The following MAP1LC3B variants were observed in gnomAD, a reference collection of about 807,000 sequenced individuals.
The protein encoded by MAP1LC3B is microtubule associated protein 1 light chain 3 beta.
Under a neutral mutation model 16.7 loss-of-function variants are expected in MAP1LC3B, and 12 were observed. That is an observed-to-expected ratio of 0.72 (90% CI 0.46 to 1.16). The LOEUF (loss-of-function observed/expected upper bound fraction) is 1.16. MAP1LC3B is among the 50% of genes most tolerant of loss of function. The pLI is 0.00. For synonymous variants in MAP1LC3B, 63 were observed against 56.5 expected, an observed-to-expected ratio of 1.11 and a Z score of -0.51; for missense variants, 155 against 159.5, an observed-to-expected ratio of 0.97 and a Z score of 0.15.
intron 3 of MAP1LC3B, 112 bp from the exon 4 acceptor site, chr16:87,402,811 A>G (rs1908041886): frequency 1.6e-6 from 2 of 1,261,580 alleles, no homozygotes; most frequent in Non-Finnish European, 2.2e-6. Flanking sequence ...TGGATTCAAG[A>G]GCATTTAGAA....
rs1463333741 is a variant in MAP1LC3B at position 87,402,963 on chromosome 16, TTGG to T, written c.247_249del (p.Val83del). 6.2e-7 allele frequency: 1 copy of T among 1,613,920 alleles called. No individual in the cohort carries two copies. Among genetic ancestry groups the T allele is most frequent in the Non-Finnish European group, 8.5e-7 (1 of 1,179,898 alleles). On this transcript the variant is annotated inframe_deletion, in exon 4 of 4. Coordinates refer to ENST00000268607, the MANE Select transcript of MAP1LC3B (RefSeq NM_022818.5). Reference sequence around the variant, plus strand: ...CAATGCTAATCAGGCCTTCTTCCTGTTGGTGAACGGACACAGCATGGTCAGCGT... The same window carrying T: ...CAATGCTAATCAGGCCTTCTTCCTGTTGAACGGACACAGCATGGTCAGCGT...
chr16:87,395,677 T>C (rs527462944), intron 1 of MAP1LC3B, among the ~76,000 whole-genome samples: 4 of 152,140 alleles, frequency 2.6e-5, no homozygotes, highest in Non-Finnish European at 5.9e-5. Flanking sequence ...GACTTGGGTG[T>C]TATTCTTTAC....
Position 87,392,376 on chromosome 16 carries a change from G to T in MAP1LC3B, c.-52G>T. 7.2e-7 allele frequency: 1 copy of T among 1,387,974 alleles called. No homozygotes were observed. The highest frequency in any genetic ancestry group is 9.3e-7 in the Non-Finnish European group (1 of 1,079,408). 86.0% of individuals were successfully genotyped at this position (1,387,974 alleles called of 1,614,324 possible). A position where few individuals can be genotyped will look rare whatever the true frequency, so the allele number is the denominator to read the frequency against. On this transcript the variant is annotated 5_prime_UTR_variant, in exon 1 of 4. Coordinates refer to ENST00000268607, the MANE Select transcript of MAP1LC3B (RefSeq NM_022818.5). ...GCCGCAGCAGCCGCCGCCCCCGGGA[G>T]CCGCCGGGACCCTCGCGTCGTCGCC... is the stretch of plus-strand genomic sequence containing the variant.
At chr16:87,402,654 G>A in intron 3 of MAP1LC3B, 1 of 554,170 alleles carries the variant, frequency 1.8e-6, no homozygotes, top group Non-Finnish European at 3.2e-6. Context: ...TTCAGAAACT[G>A]TATTTGAACT....
At chr16:87,399,495 G>C in intron 2 of MAP1LC3B, 1 of 399,536 alleles carries the variant, frequency 2.5e-6, no homozygotes, top group South Asian at 1.9e-5. Context: ...ACCCTATGTA[G>C]GTCTCACACA....
At chr16:87,397,547 GGCGGAGCTTGCAGTGA>G (rs1907849468) in intron 1 of MAP1LC3B, among the ~76,000 whole-genome samples, 2 of 152,200 alleles carry the variant, frequency 1.3e-5, no homozygotes, top group African/African-American at 2.4e-5. Flanking sequence ...GAACCCAGGA[GGCGGAGCTTGCAGTGA>G]GCGGAGATTG....
At chr16:87,397,164 T>A (rs1158633666) in intron 1 of MAP1LC3B, among the ~76,000 whole-genome samples, 3 of 152,216 alleles carry the variant, frequency 2.0e-5, no homozygotes, top group African/African-American at 7.2e-5. Context: ...AATAGGAATA[T>A]GCACTGGTAG....
rs1473556952 is a variant in MAP1LC3B at position 87,402,334 on chromosome 16, C to G, written c.203+53C>G. On this transcript the variant is annotated intron_variant, in intron 3 of 3. Transcript: ENST00000268607. Reference sequence around the variant, plus strand: ...TATTTCCTTTGAGTAACTTCTTATTCTTTATGAAACTTACAGTTAAATCTT... The same window carrying G: ...TATTTCCTTTGAGTAACTTCTTATTGTTTATGAAACTTACAGTTAAATCTT... 2.0e-6 allele frequency: 3 copies of G among 1,487,226 alleles called. No homozygotes were observed. In the African/African-American group the frequency reaches 4.2e-5, roughly 21 times the overall value. The allele number at this position is 1,487,226 out of a possible 1,614,324, so 92.1% of individuals were successfully genotyped here. A position where few individuals can be genotyped will look rare whatever the true frequency, so the allele number is the denominator to read the frequency against.
At chr16:87,401,759 A>T (rs1908000860) in intron 2 of MAP1LC3B, among the ~76,000 whole-genome samples, 1 of 151,198 alleles carries the variant, frequency 6.6e-6, no homozygotes, top group Non-Finnish European at 1.5e-5. Flanking sequence ...CGAACTCCTG[A>T]CCTCAGGTGA....
chr16:87,402,859 T>C (rs2150714003), intron 3 of MAP1LC3B, 64 bp from the exon 4 acceptor site: 1 of 1,590,082 alleles, frequency 6.3e-7, no homozygotes, highest in African/African-American at 1.3e-5. Context: ...GGTGATATTT[T>C]AACACATGCT....
rs1411156814 is a variant in MAP1LC3B, at chr16:87,392,384, G to C, written c.-44G>C. On this transcript the variant is annotated 5_prime_UTR_variant, in exon 1 of 4. Coordinates refer to ENST00000268607, the MANE Select transcript of MAP1LC3B (RefSeq NM_022818.5). ...AGCCGCCGCCCCCGGGAGCCGCCGG[G>C]ACCCTCGCGTCGTCGCCGCCGCCGC... is the stretch of plus-strand genomic sequence containing the variant. The C allele has an allele frequency of 7.1e-7, 1 of 1,407,006 alleles. No individual in the cohort carries two copies. Among genetic ancestry groups the C allele is most frequent in the African/African-American group, 1.5e-5 (1 of 65,854 alleles). The allele number at this position is 1,407,006 out of a possible 1,614,324, so 87.2% of individuals were successfully genotyped here.
At chr16:87,401,700 T>C (rs780872333) in intron 2 of MAP1LC3B, among the ~76,000 whole-genome samples, 5 of 152,240 alleles carry the variant, frequency 3.3e-5, no homozygotes, top group African/African-American at 9.6e-5. Flanking sequence ...TGGATAATTT[T>C]TGTATTTTTA....
chr16:87,398,902 G>A (rs752940250), intron 2 of MAP1LC3B, 32 bp downstream of exon 2: 2 of 1,597,580 alleles, frequency 1.3e-6, no homozygotes, highest in Non-Finnish European at 1.7e-6. Context: ...TTTCAGTCAT[G>A]AATGTACGCA....
At chr16:87,402,428 A>G in intron 3 of MAP1LC3B, 147 bp downstream of exon 3, 1 of 751,816 alleles carries the variant, frequency 1.3e-6, no homozygotes, top group Non-Finnish European at 2.1e-6. Flanking sequence ...TATGATTAAA[A>G]CAATTTCAAC....
intron 1 of MAP1LC3B, 122 bp downstream of exon 1, chr16:87,392,589 CTGCCGGCCGGCGGGGCCGAGGGA>C: frequency 1.0e-6 from 1 of 977,856 alleles, no homozygotes; most frequent in Non-Finnish European, 1.3e-6. Flanking sequence ...GGGCCGGTGG[CTGCCGGCCGGCGGGGCCGAGGGA>C]TGCGGGGCCC....
intron 1 of MAP1LC3B, among the ~76,000 whole-genome samples, chr16:87,397,137 C>A (rs1050117827): frequency 6.6e-6 from 1 of 151,928 alleles, no homozygotes; most frequent in Admixed American, 6.6e-5. Flanking sequence ...CCAAATTTAT[C>A]ATTTGCATAT....
intron 3 of MAP1LC3B, 29 bp downstream of exon 3, chr16:87,402,310 A>G (rs1908022881): frequency 3.1e-6 from 5 of 1,590,532 alleles, no homozygotes; most frequent in African/African-American, 1.3e-5. Flanking sequence ...TTCATAATAT[A>G]TTTCCTTTGA....
In MAP1LC3B at chr16:87,398,823, G is replaced by C. The variant is rs1465274431; in HGVS notation, c.49G>C (p.Val17Leu). ...TCTTCATTTCATTGCAGAACAAAGA[G>C]TAGAAGATGTCCGACTTATTCGAGA... ...FKQRRTFEQR[V>L]EDVRLIREQH... The change falls in exon 2 of 4, where the codon GTA becomes CTA. Residue 17 changes from valine to leucine, a missense_variant. By Grantham distance (32) the Val-to-Leu change is conservative. Coordinates refer to ENST00000268607, the MANE Select transcript of MAP1LC3B (RefSeq NM_022818.5). 20 of 1,614,058 alleles carry C rather than the reference G, an allele frequency of 1.2e-5. No individual in the cohort carries two copies. The highest frequency in any genetic ancestry group is 3.3e-5 in the Admixed American group (2 of 60,002).
At position 87,392,395 on chromosome 16, in the gene MAP1LC3B, C is replaced by T. The variant is rs763524478; in HGVS notation, c.-33C>T. ...CCGGGAGCCGCCGGGACCCTCGCGTCGTCGCCGCCGCCGCCGCCCAGATCC... is the reference window on the plus strand; with the variant it reads ...CCGGGAGCCGCCGGGACCCTCGCGTTGTCGCCGCCGCCGCCGCCCAGATCC... On this transcript the variant is annotated 5_prime_UTR_variant, in exon 1 of 4. Transcript: ENST00000268607. 5.6e-6 allele frequency: 8 copies of T among 1,416,414 alleles called. No homozygotes were observed. The highest frequency in any genetic ancestry group is 2.9e-5 in the South Asian group (2 of 69,176). 87.7% of individuals were successfully genotyped at this position (1,416,414 alleles called of 1,614,324 possible).
Sources: gnomAD v4.1 joint callset for allele counts (sites outside exome capture counted in the v4.1 genomes callset) on GRCh38, gnomAD v4.1.1 for gene constraint, MANE v1.5 for transcripts, NCBI Gene and HGNC (gene_info 2026-07-23, HGNC 2026-07-21) for gene names.